The following NSMCE2 variants were observed in gnomAD, a reference collection of about 807,000 sequenced individuals.
NSMCE2 encodes E3 SUMO-protein ligase NSE2.
A neutral mutation model predicts 23.8 loss-of-function variants in NSMCE2; 24 were observed. That is an observed-to-expected ratio of 1.01 (90% CI 0.73 to 1.42). NSMCE2 has a LOEUF of 1.42. Among genes scored for constraint, NSMCE2 ranks in the 40% most tolerant of loss-of-function variants. The probability of loss-of-function intolerance (pLI) is 0.00; values close to 1 mark genes in which losing one functional copy is unlikely to be tolerated. For synonymous variants in NSMCE2, 92 were observed against 94.1 expected (o/e 0.98, Z 0.13); for missense variants, 284 against 296.5 (o/e 0.96, Z 0.31).
intron 5 of NSMCE2, among the ~76,000 whole-genome samples, chr8:125,287,384 A>C (rs1467106771): frequency 1.3e-5 from 2 of 152,146 alleles, no homozygotes; most frequent in Non-Finnish European, 2.9e-5. Flanking sequence ...AGCTATCTGG[A>C]GTTGCTACAA....
chr8:125,241,906 T>G (rs1440584750), intron 5 of NSMCE2, among the ~76,000 whole-genome samples: 1 of 152,206 alleles, frequency 6.6e-6, no homozygotes, highest in Non-Finnish European at 1.5e-5. Context: ...CTAGTGGTGT[T>G]GACTTCAGGG....
intron 5 of NSMCE2, among the ~76,000 whole-genome samples, chr8:125,352,096 G>A (rs1049766716): frequency 1.3e-5 from 2 of 152,172 alleles, no homozygotes; most frequent in African/African-American, 4.8e-5. Flanking sequence ...TGGGTATTTT[G>A]TTAGGAGTAA....
At chr8:125,240,079 C>T (rs1169089916) in intron 5 of NSMCE2, among the ~76,000 whole-genome samples, 1 of 151,820 alleles carries the variant, frequency 6.6e-6, no homozygotes, top group Non-Finnish European at 1.5e-5. Flanking sequence ...ACAGAATTCT[C>T]CTGAAGTTGG....
At chr8:125,153,295 G>A (rs952676427) in intron 4 of NSMCE2, among the ~76,000 whole-genome samples, 17 of 152,100 alleles carry the variant, frequency 1.1e-4, no homozygotes, top group African/African-American at 3.4e-4. Context: ...TAGTGATTCC[G>A]ATGCTTATCA....
intron 4 of NSMCE2, among the ~76,000 whole-genome samples, chr8:125,154,238 G>T (rs914987063): frequency 6.6e-6 from 1 of 152,076 alleles, no homozygotes; most frequent in Non-Finnish European, 1.5e-5. Flanking sequence ...TCATTAAAGA[G>T]CATTTGAATT....
chr8:125,239,548 G>C (rs1214588683), intron 5 of NSMCE2, among the ~76,000 whole-genome samples: 1 of 148,398 alleles, frequency 6.7e-6, no homozygotes, highest in Non-Finnish European at 1.5e-5. Context: ...GGCAGAGGTT[G>C]CAGTGAACCA....
At chr8:125,133,992 C>A (rs1028768224) in intron 3 of NSMCE2, among the ~76,000 whole-genome samples, 2 of 152,104 alleles carry the variant, frequency 1.3e-5, no homozygotes, top group Non-Finnish European at 2.9e-5. Context: ...GGGCAGGACT[C>A]GAGAATTTGC....
At chr8:125,309,028 T>C (rs980026766) in intron 5 of NSMCE2, among the ~76,000 whole-genome samples, 1 of 152,100 alleles carries the variant, frequency 6.6e-6, no homozygotes, top group Non-Finnish European at 1.5e-5. Context: ...GTGGATCACC[T>C]GAGGTCAAGA....
At chr8:125,192,192 A>G (rs1177554066) in intron 5 of NSMCE2, among the ~76,000 whole-genome samples, 1 of 152,156 alleles carries the variant, frequency 6.6e-6, no homozygotes, top group East Asian at 1.9e-4. Context: ...GTTACATTAT[A>G]CCTAAGAAAA....
intron 5 of NSMCE2, among the ~76,000 whole-genome samples, chr8:125,259,888 CT>C (rs2131043941): frequency 6.6e-6 from 1 of 152,312 alleles, no homozygotes; most frequent in African/African-American, 2.4e-5. Flanking sequence ...CTTCTGACTT[CT>C]AGCTCTTTTC....
intron 3 of NSMCE2, among the ~76,000 whole-genome samples, chr8:125,144,269 G>T (rs911962759): frequency 1.3e-5 from 2 of 152,144 alleles, no homozygotes; most frequent in African/African-American, 4.8e-5. Flanking sequence ...TCCCTATTTA[G>T]AATAGTTGGT....
intron 5 of NSMCE2, among the ~76,000 whole-genome samples, chr8:125,194,090 T>C (rs1450185199): frequency 6.6e-6 from 1 of 152,186 alleles, no homozygotes; most frequent in African/African-American, 2.4e-5. Context: ...TACAAAGCAC[T>C]CTCCCATCTA....
chr8:125,261,771 A>T (rs1007052262), intron 5 of NSMCE2, among the ~76,000 whole-genome samples: 4 of 151,848 alleles, frequency 2.6e-5, no homozygotes, highest in African/African-American at 9.7e-5. Flanking sequence ...AAAACAAAAC[A>T]GCTTAGAAGC....
At chr8:125,358,621 T>C (rs1464349289) in intron 7 of NSMCE2, among the ~76,000 whole-genome samples, 1 of 152,130 alleles carries the variant, frequency 6.6e-6, no homozygotes, top group African/African-American at 2.4e-5. Flanking sequence ...TGGCATTGAC[T>C]TCGTTTGGCA....
intron 4 of NSMCE2, chr8:125,156,056 G>C: frequency 2.3e-6 from 1 of 432,498 alleles, no homozygotes; most frequent in Non-Finnish European, 4.6e-6. Flanking sequence ...GAAGTGGGAG[G>C]ATCACTTGAG....
At chr8:125,278,205 A>T (rs1461704757) in intron 5 of NSMCE2, among the ~76,000 whole-genome samples, 1 of 152,214 alleles carries the variant, frequency 6.6e-6, no homozygotes, top group African/African-American at 2.4e-5. Context: ...TTTTATTTAT[A>T]AAAAGAAAAA....
chr8:125,106,047 TACACACAC>T (rs138450338), intron 3 of NSMCE2, among the ~76,000 whole-genome samples: 4 of 148,340 alleles, frequency 2.7e-5, no homozygotes, highest in East Asian at 2.0e-4. Flanking sequence ...TGTGTGTGCA[TACACACAC>T]ACACACACAC....
intron 7 of NSMCE2, chr8:125,363,140 T>C (rs1330878932): frequency 2.0e-5 from 3 of 152,200 alleles, no homozygotes; most frequent in East Asian, 1.9e-4. Context: ...AAAGTTATGA[T>C]ACTTGGCTTT....
At chr8:125,269,648 T>C (rs1187411771) in intron 5 of NSMCE2, among the ~76,000 whole-genome samples, 1 of 152,218 alleles carries the variant, frequency 6.6e-6, no homozygotes, top group Non-Finnish European at 1.5e-5. Flanking sequence ...GTTTTATGCT[T>C]TGAGTATTTG....
Sources: allele counts gnomAD v4.1 joint callset (sites outside exome capture counted in the v4.1 genomes callset), GRCh38; gene constraint gnomAD v4.1.1; transcripts MANE v1.5; gene names NCBI Gene and HGNC (gene_info 2026-07-23, HGNC 2026-07-21).